The following CYP26B1 variants were observed in gnomAD, a reference collection of about 807,000 sequenced individuals.
The protein encoded by CYP26B1 is cytochrome P450 26B1.
A neutral mutation model predicts 39.1 loss-of-function variants in CYP26B1; 8 were observed. The observed-to-expected ratio is 0.20, with a 90% CI of 0.12 to 0.37. CYP26B1 has a LOEUF of 0.37. Among genes scored for constraint, CYP26B1 ranks in the 10% least tolerant of loss-of-function variants. CYP26B1 has a pLI of 1.00. For synonymous variants in CYP26B1, 321 were observed against 314.3 expected, an observed-to-expected ratio of 1.02 and a Z score of -0.23; for missense variants, 615 against 707.0, an observed-to-expected ratio of 0.87 and a Z score of 1.48.
In CYP26B1 at chr2:72,147,567, C is replaced by G; in HGVS notation, c.204+64G>C. 6.7e-7 allele frequency: 1 copy of G among 1,492,428 alleles called. No homozygotes were observed. Among genetic ancestry groups the G allele is most frequent in the Non-Finnish European group, 8.9e-7 (1 of 1,118,068 alleles). 92.4% of individuals were successfully genotyped at this position (1,492,428 alleles called of 1,614,324 possible). A position where few individuals can be genotyped will look rare whatever the true frequency, so the allele number is the denominator to read the frequency against. On this transcript the variant is annotated intron_variant, in intron 1 of 5. Coordinates refer to ENST00000001146, the MANE Select transcript of CYP26B1 (RefSeq NM_019885.4). The surrounding 1 kb of genome is among the most constrained non-coding windows in gnomAD (Gnocchi z 6.1). The stretch of plus-strand genomic sequence containing the variant: ...CCGGCGCCCCCTGGCCGGCCCGCCG[C>G]TCCGTCTGCCCCGCGCTCGCAGCTA...
In CYP26B1 at chr2:72,132,022, G is replaced by T; in HGVS notation, c.*205C>A. 1.6e-6 allele frequency: 1 copy of T among 620,128 alleles called. No homozygotes were observed. The highest frequency in any genetic ancestry group is 2.8e-6 in the Non-Finnish European group (1 of 355,756). The allele number at this position is 620,128 out of a possible 1,614,324, so 38.4% of individuals were successfully genotyped here. ...TGATGGTAAATGGGGAGTGGCTGGA[G>T]GGAAGCTGGAGCCAGAAGGGGAGCC... On this transcript the variant is annotated 3_prime_UTR_variant, in exon 6 of 6. Transcript: ENST00000001146.
chr2:72,135,937 G>C (rs1676759329), intron 2 of CYP26B1, among the ~76,000 whole-genome samples: 1 of 152,138 alleles, frequency 6.6e-6, no homozygotes, highest in African/African-American at 2.4e-5. Flanking sequence ...GGGGGAGATG[G>C]GGGCAATGGC....
Position 72,147,859 on chromosome 2 carries a change from C to G in CYP26B1, c.-25G>C. On this transcript the variant is annotated 5_prime_UTR_variant, in exon 1 of 6. Coordinates refer to ENST00000001146, the MANE Select transcript of CYP26B1 (RefSeq NM_019885.4). The surrounding 1 kb of genome is among the most constrained non-coding windows in gnomAD (Gnocchi z 6.1). The stretch of plus-strand genomic sequence containing the variant: ...TGTTGGCGGCCGCTCGGGGGATTGG[C>G]TGTGCCGGCCGCGGCGGGGGAGGGG... The G allele has an allele frequency of 7.2e-7, 1 of 1,386,638 alleles. No individual in the cohort carries two copies. The highest frequency in any genetic ancestry group is 1.5e-5 in the African/African-American group (1 of 66,326). 85.9% of individuals were successfully genotyped at this position (1,386,638 alleles called of 1,614,324 possible).
At position 72,133,306 on chromosome 2, in the gene CYP26B1, T is replaced by A; in HGVS notation, c.863A>T (p.Asp288Val). ...GKEMTMQELKDGTLELIFAAY... is the reference protein window; with the variant it reads ...GKEMTMQELKVGTLELIFAAY... Reference sequence around the variant, plus strand: ...CGCAAAGATCAGCTCCAGGGTCCCGTCCTGCAGGGCACAGAGGAGAGGTGT... The same window carrying A: ...CGCAAAGATCAGCTCCAGGGTCCCGACCTGCAGGGCACAGAGGAGAGGTGT... Residue 288 changes from aspartate to valine, a missense_variant and splice_region_variant, in exon 5 of 6, where the codon GAC becomes GTC. By Grantham distance (152) the Asp-to-Val change is radical. Coordinates refer to ENST00000001146, the MANE Select transcript of CYP26B1 (RefSeq NM_019885.4). 6.2e-7 allele frequency: 1 copy of A among 1,602,892 alleles called. No individual in the cohort carries two copies. Among genetic ancestry groups the A allele is most frequent in the Non-Finnish European group, 8.5e-7 (1 of 1,179,244 alleles).
intron 2 of CYP26B1, among the ~76,000 whole-genome samples, chr2:72,138,799 A>C (rs1190448269): frequency 6.6e-6 from 1 of 152,122 alleles, no homozygotes; most frequent in East Asian, 1.9e-4. Flanking sequence ...TCCCCTGCCA[A>C]GCCCCCAAGG....
chr2:72,132,324 T>G lies in CYP26B1; in HGVS notation c.1442A>C (p.His481Pro). The stretch of plus-strand genomic sequence containing the variant: ...CTTGACGCTGAGGCCATCCACGGGG[T>G]GCAGGACGGGGACCAAGGTGATGCG... The part of the protein sequence containing the change: ...FPRITLVPVL[H>P]PVDGLSVKFF... Residue 481 changes from histidine (H) to proline (P), a missense_variant, in exon 6 of 6, where the codon CAC (histidine) becomes CCC (proline). His to Pro is a moderately conservative substitution (Grantham distance 77). Coordinates refer to ENST00000001146, the MANE Select transcript of CYP26B1 (RefSeq NM_019885.4). 6.2e-7 allele frequency: 1 copy of G among 1,609,554 alleles called. No individual in the cohort carries two copies. Among genetic ancestry groups the G allele is most frequent in the Non-Finnish European group, 8.5e-7 (1 of 1,178,060 alleles).
At chr2:72,145,988 C>T (rs1677112734) in intron 1 of CYP26B1, among the ~76,000 whole-genome samples, 1 of 152,186 alleles carries the variant, frequency 6.6e-6, no homozygotes, top group Non-Finnish European at 1.5e-5. Context: ...CTCTCATTAA[C>T]CCCTTAGGCG....
At position 72,129,587 on chromosome 2, in the gene CYP26B1, T is replaced by G. The variant is rs1301202405; in HGVS notation, c.*2640A>C. The G allele has an allele frequency of 1.3e-5, 2 of 151,718 alleles. No individual in the cohort carries two copies. The highest frequency in any genetic ancestry group is 4.9e-5 in the African/African-American group (2 of 41,090). The allele number at this position is 151,718 out of a possible 1,614,324, so 9.4% of individuals were successfully genotyped here. ...CAAAAATAGTACTTATAATAGTTTA[T>G]AAAGACAGACACAAAATTATAACAT... On this transcript the variant is annotated 3_prime_UTR_variant, in exon 6 of 6. Coordinates refer to ENST00000001146, the MANE Select transcript of CYP26B1 (RefSeq NM_019885.4).
chr2:72,131,351 T>C lies in CYP26B1; in HGVS notation c.*876A>G, dbSNP rs1253678979. On this transcript the variant is annotated 3_prime_UTR_variant, in exon 6 of 6. Transcript: ENST00000001146. Reference sequence around the variant, plus strand: ...GGGTTTGACCAGAGACCCCTTCCTCTTCACTCACAGAAGTCTCGCCAGGAC... The same window carrying C: ...GGGTTTGACCAGAGACCCCTTCCTCCTCACTCACAGAAGTCTCGCCAGGAC... The C allele has an allele frequency of 6.6e-6, 1 of 152,250 alleles. No individual in the cohort carries two copies. The highest frequency in any genetic ancestry group is 2.4e-5 in the African/African-American group (1 of 41,450). 9.4% of individuals were successfully genotyped at this position (152,250 alleles called of 1,614,324 possible). A position where few individuals can be genotyped will look rare whatever the true frequency, so the allele number is the denominator to read the frequency against.
intron 2 of CYP26B1, among the ~76,000 whole-genome samples, chr2:72,135,930 G>C (rs905687881): frequency 6.6e-6 from 1 of 152,162 alleles, no homozygotes; most frequent in Non-Finnish European, 1.5e-5. Flanking sequence ...AAAAGCAGGG[G>C]GAGATGGGGG....
rs770223566 is a variant in CYP26B1 at position 72,135,341 on chromosome 2, G to A, written c.508C>T (p.Arg170Cys). Reference sequence around the variant, plus strand: ...GCCTCGGGGTGGCTGCTCCAGGCGCGCAGTGTGTCCTGGATCACCAGCTGG... The same window carrying A: ...GCCTCGGGGTGGCTGCTCCAGGCGCACAGTGTGTCCTGGATCACCAGCTGG... ...KIQLVIQDTL[R>C]AWSSHPEAIN... is the part of the protein sequence containing the mutation. Residue 170 changes from arginine (R) to cysteine (C), a missense_variant, in exon 3 of 6, where the codon CGC becomes TGC. Transcript: ENST00000001146. 2.5e-6 allele frequency: 4 copies of A among 1,613,816 alleles called. No homozygotes were observed. Among genetic ancestry groups the A allele is most frequent in the Non-Finnish European group, 3.4e-6 (4 of 1,180,044 alleles).
intron 1 of CYP26B1, among the ~76,000 whole-genome samples, chr2:72,146,019 A>G (rs971241181): frequency 5.9e-5 from 9 of 151,934 alleles, no homozygotes; most frequent in African/African-American, 1.5e-4. Context: ...CGTACCCCCT[A>G]TTTCCCTCCT....
intron 2 of CYP26B1, among the ~76,000 whole-genome samples, chr2:72,138,255 CG>C (rs1676834906): frequency 6.6e-6 from 1 of 152,132 alleles, no homozygotes; most frequent in Admixed American, 6.5e-5. Flanking sequence ...GGTCTGTGCC[CG>C]GGGGGTAACA....
intron 2 of CYP26B1, chr2:72,142,878 G>A (rs1035140576): frequency 6.0e-6 from 1 of 166,022 alleles, no homozygotes; most frequent in African/African-American, 2.4e-5. Context: ...GTGGGGGCAG[G>A]GATGCAACCC....
intron 5 of CYP26B1, 88 bp from the exon 6 acceptor site, chr2:72,132,707 C>T (rs1676629690): frequency 2.0e-6 from 3 of 1,517,184 alleles, no homozygotes; most frequent in Non-Finnish European, 2.7e-6. Flanking sequence ...TGCTCAGCCC[C>T]AGATGTTCAA....
chr2:72,135,241 G>T lies in CYP26B1; in HGVS notation c.608C>A (p.Pro203His). 1 of 1,614,076 alleles carries T rather than the reference G, an allele frequency of 6.2e-7. No individual in the cohort carries two copies. The highest frequency in any genetic ancestry group is 8.5e-7 in the Non-Finnish European group (1 of 1,180,028). Residue 203 changes from proline to histidine, a missense_variant, in exon 3 of 6, where the codon CCT (proline) becomes CAT (histidine). Physicochemically the swap from Pro to His is moderately conservative, Grantham distance 77 (BLOSUM62 -2). Transcript: ENST00000001146. ...AIRVLLGFSI[P>H]EEDLGHLFEV... Reference sequence around the variant, plus strand: ...AAAGAGGTGCCCAAGGTCCTCCTCAGGGATGCTGAAGCCCAGCAGCACCCG... The same window carrying T: ...AAAGAGGTGCCCAAGGTCCTCCTCATGGATGCTGAAGCCCAGCAGCACCCG...
At chr2:72,143,887 AG>A in intron 2 of CYP26B1, 101 bp downstream of exon 2, 1 of 1,385,700 alleles carries the variant, frequency 7.2e-7, no homozygotes, top group South Asian at 1.2e-5. Flanking sequence ...TGGTGTGCAA[AG>A]GGGGGCACAG....
At chr2:72,132,649 TG>T (rs1676627789) in intron 5 of CYP26B1, 30 bp from the exon 6 acceptor site, 1 of 1,572,512 alleles carries the variant, frequency 6.4e-7, no homozygotes, top group Non-Finnish European at 8.6e-7. Context: ...GAGGAGTGGG[TG>T]GTGAGAGCCA....
chr2:72,132,194 G>C lies in CYP26B1; in HGVS notation c.*33C>G. The C allele has an allele frequency of 6.3e-7, 1 of 1,585,790 alleles. No individual in the cohort carries two copies. Among genetic ancestry groups the C allele is most frequent in the African/African-American group, 1.3e-5 (1 of 74,714 alleles). ...TACCTCCCACAACCACCACCCCGCT[G>C]CCTGGGCTGGGCTGAGGCGGGTGGG... is the stretch of plus-strand genomic sequence containing the variant. On this transcript the variant is annotated 3_prime_UTR_variant, in exon 6 of 6. Transcript: ENST00000001146.
Sources: allele counts gnomAD v4.1 joint callset (sites outside exome capture counted in the v4.1 genomes callset), GRCh38; gene constraint gnomAD v4.1.1; non-coding constraint Gnocchi (gnomAD v3.1); transcripts MANE v1.5; gene names NCBI Gene and HGNC (gene_info 2026-07-23, HGNC 2026-07-21).